The following GNE variants were observed in gnomAD, a reference collection of about 807,000 sequenced individuals.
GNE encodes the protein glucosamine (UDP-N-acetyl)-2-epimerase/N-acetylmannosamine kinase.
Under a neutral mutation model 61.8 loss-of-function variants are expected in GNE, and 41 were observed. The ratio of observed to expected loss-of-function variants is 0.66; its 90% CI spans 0.52 to 0.86. The LOEUF (loss-of-function observed/expected upper bound fraction) is 0.86. Among genes scored for constraint, GNE ranks in the 40% least tolerant of loss-of-function variants. GNE has a pLI of 0.00. For synonymous variants in GNE, 264 were observed against 326.4 expected, an observed-to-expected ratio of 0.81 and a Z score of 2.06; for missense variants, 608 against 909.1, an observed-to-expected ratio of 0.67 and a Z score of 4.26.
intron 3 of GNE, among the ~76,000 whole-genome samples, chr9:36,237,651 T>TC (rs1317897022): frequency 7.4e-6 from 1 of 134,826 alleles, no homozygotes; most frequent in African/African-American, 2.6e-5. Context: ...CTTACTTTTT[T>TC]TTTTAATTAA....
chr9:36,219,196 C>G (rs1412324619), intron 10 of GNE, among the ~76,000 whole-genome samples: 1 of 152,060 alleles, frequency 6.6e-6, no homozygotes, highest in Non-Finnish European at 1.5e-5. Flanking sequence ...TACTTCTTAC[C>G]TCTCTCATAG....
intron 3 of GNE, among the ~76,000 whole-genome samples, chr9:36,239,136 TTATAG>T (rs749875553): frequency 6.6e-6 from 1 of 152,214 alleles, no homozygotes; most frequent in Non-Finnish European, 1.5e-5. Context: ...GACTATGGCC[TTATAG>T]TATAGTTTGA....
intron 5 of GNE, 47 bp downstream of exon 5, chr9:36,233,873 C>T (rs775635848): frequency 2.9e-5 from 39 of 1,364,650 alleles, no homozygotes; most frequent in South Asian, 9.3e-5. Flanking sequence ...TAACAACTCA[C>T]GTATGTATAA....
chr9:36,226,900 C>A (rs1200787839), intron 7 of GNE, among the ~76,000 whole-genome samples: 1 of 152,156 alleles, frequency 6.6e-6, no homozygotes, highest in African/African-American at 2.4e-5. Flanking sequence ...TTTGCTGATA[C>A]CCCTCACCTG....
chr9:36,259,427 G>A (rs1393104900), upstream of GNE, among the ~76,000 whole-genome samples: 3 of 152,072 alleles, frequency 2.0e-5, no homozygotes, highest in African/African-American at 7.2e-5. Flanking sequence ...ATTTACCACA[G>A]GTGAAACTAA....
At chr9:36,272,444 A>G (rs979263427) in intron 1 of GNE, among the ~76,000 whole-genome samples, 7 of 151,546 alleles carry the variant, frequency 4.6e-5, no homozygotes, top group African/African-American at 1.7e-4. Context: ...ACACAGTGAA[A>G]CCCTGTCTCT....
intron 5 of GNE, among the ~76,000 whole-genome samples, chr9:36,231,701 C>G (rs1337131220): frequency 6.6e-6 from 1 of 152,196 alleles, no homozygotes; most frequent in Non-Finnish European, 1.5e-5. Context: ...CTGCCATCCA[C>G]TGAGAAAGAA....
intron 3 of GNE, among the ~76,000 whole-genome samples, chr9:36,245,466 C>A (rs1829832417): frequency 6.6e-6 from 1 of 151,918 alleles, no homozygotes; most frequent in Admixed American, 6.6e-5. Context: ...GGGCGGATCA[C>A]TTGAGGTCAG....
At chr9:36,220,901 T>C (rs1828555192) in intron 9 of GNE, among the ~76,000 whole-genome samples, 1 of 152,246 alleles carries the variant, frequency 6.6e-6, no homozygotes, top group Non-Finnish European at 1.5e-5. Context: ...TGTCACTTCT[T>C]GGGCACTTAT....
At chr9:36,275,397 AG>A (rs1352598135) in intron 1 of GNE, among the ~76,000 whole-genome samples, 1 of 152,198 alleles carries the variant, frequency 6.6e-6, no homozygotes, top group Admixed American at 6.6e-5. Flanking sequence ...AATAGCATAC[AG>A]GGGAGACCAG....
intron 2 of GNE, among the ~76,000 whole-genome samples, chr9:36,247,014 G>A (rs539346638): frequency 6.6e-6 from 1 of 151,530 alleles, no homozygotes; most frequent in Non-Finnish European, 1.5e-5. Context: ...TTTTAACAGT[G>A]GTCAGCACTT....
intron 2 of GNE, 98 bp downstream of exon 2, chr9:36,249,094 C>T: frequency 1.1e-6 from 1 of 924,710 alleles, no homozygotes; most frequent in South Asian, 1.3e-5. Context: ...AACTAAGCAG[C>T]AGAACAGGAA....
chr9:36,271,819 C>T (rs1056450111), intron 1 of GNE, among the ~76,000 whole-genome samples: 3 of 152,148 alleles, frequency 2.0e-5, no homozygotes, highest in East Asian at 3.8e-4. Context: ...ATATGACCTA[C>T]GTTTTTAAAA....
intron 1 of GNE, among the ~76,000 whole-genome samples, chr9:36,272,332 C>T (rs939097280): frequency 6.6e-6 from 1 of 151,898 alleles, no homozygotes; most frequent in African/African-American, 2.4e-5. Context: ...ATTAGAGCTA[C>T]AGAAGATGGC....
chr9:36,231,385 C>T (rs1012807211), intron 5 of GNE, among the ~76,000 whole-genome samples: 3 of 152,144 alleles, frequency 2.0e-5, no homozygotes, highest in Non-Finnish European at 4.4e-5. Flanking sequence ...TTCAAGGTTA[C>T]GATGAGCTAT....
In GNE at chr9:36,243,934, GT is replaced by G. The variant is rs55920506; in HGVS notation, c.616+2096del. The stretch of plus-strand genomic sequence containing the variant: ...TATTCAATTTTCTTTTTCTTTCTGT[GT>G]TTTTTTTTTGTTATTGTTTTTTGTT... On this transcript the variant is annotated intron_variant, in intron 3 of 11. Coordinates refer to ENST00000642385, the MANE Select transcript of GNE (RefSeq NM_005476.7). 5.3e-4 allele frequency among the ~76,000 whole-genome samples: 77 copies of G among 144,242 alleles called. 2 individuals are homozygous for G. Among genetic ancestry groups the G allele is most frequent in the Middle Eastern group, 3.5e-3 (1 of 284 alleles). The allele number at this position is 144,242 out of a possible 152,430, so 94.6% of individuals were successfully genotyped here. A position where few individuals can be genotyped will look rare whatever the true frequency, so the allele number is the denominator to read the frequency against.
chr9:36,273,279 C>T (rs1322903833), intron 1 of GNE, among the ~76,000 whole-genome samples: 40 of 148,342 alleles, frequency 2.7e-4, no homozygotes, highest in East Asian at 1.2e-3. Context: ...TGCAGTGGTG[C>T]GATCTCGGCT....
chr9:36,258,084 C>T (rs1426310571), intron 1 of GNE, among the ~76,000 whole-genome samples: 4 of 152,192 alleles, frequency 2.6e-5, no homozygotes, highest in African/African-American at 9.6e-5. Context: ...CATCCCCTCC[C>T]CTGCTCATCA....
At chr9:36,229,336 G>A (rs1829037626) in intron 5 of GNE, among the ~76,000 whole-genome samples, 1 of 152,134 alleles carries the variant, frequency 6.6e-6, no homozygotes, top group South Asian at 2.1e-4. Flanking sequence ...TTATTCCCAA[G>A]GAGAACAAAT....
Sources: allele counts gnomAD v4.1 joint callset (sites outside exome capture counted in the v4.1 genomes callset), GRCh38; gene constraint gnomAD v4.1.1; transcripts MANE v1.5; gene names NCBI Gene and HGNC (gene_info 2026-07-23, HGNC 2026-07-21).